CBFB: variants seen among roughly 807,000 people sequenced by gnomAD.
The protein encoded by CBFB is CBF-beta.
In CBFB, 9 loss-of-function variants were observed where a neutral mutation model predicts 30.4. That is an observed-to-expected ratio of 0.30 (90% CI 0.18 to 0.52). The LOEUF (loss-of-function observed/expected upper bound fraction) is 0.52, where lower values mean the gene tolerates loss of function less well. Ranked by LOEUF, CBFB falls within the 20% of genes least tolerant of loss-of-function variation. CBFB has a pLI of 0.97. For missense variants in CBFB, 170 were observed against 244.0 expected (o/e 0.70, Z 2.02); for synonymous variants, 94 against 84.0 (o/e 1.12, Z -0.65).
At chr16:67,078,336 T>C (rs867910390) in intron 4 of CBFB, among the ~76,000 whole-genome samples, 4 of 152,082 alleles carry the variant, frequency 2.6e-5, no homozygotes, top group Admixed American at 6.5e-5. Flanking sequence ...TCACTTGATA[T>C]TGGGAGTTCA....
At chr16:67,064,452 G>A (rs868692341) in intron 3 of CBFB, among the ~76,000 whole-genome samples, 4 of 152,104 alleles carry the variant, frequency 2.6e-5, no homozygotes, top group African/African-American at 4.8e-5. Context: ...TGATCCACCC[G>A]CCTCAGCCTC....
chr16:67,059,808 G>T (rs1369297119), intron 3 of CBFB, among the ~76,000 whole-genome samples: 3 of 151,950 alleles, frequency 2.0e-5, no homozygotes, highest in Non-Finnish European at 4.4e-5. Flanking sequence ...AAATACCATG[G>T]TATTGTTGAT....
chr16:67,091,654 C>T (rs551914619), intron 5 of CBFB, among the ~76,000 whole-genome samples: 1 of 152,174 alleles, frequency 6.6e-6, no homozygotes, highest in Non-Finnish European at 1.5e-5. Flanking sequence ...TTTGACATGC[C>T]TGTTGGAACA....
At chr16:67,073,320 G>GCTGTCTCTATTTATGATT (rs1190594931) in intron 4 of CBFB, among the ~76,000 whole-genome samples, 1 of 152,172 alleles carries the variant, frequency 6.6e-6, no homozygotes, top group Non-Finnish European at 1.5e-5. Flanking sequence ...ACCTGTCAAA[G>GCTGTCTCTATTTATGATT]CTGTCTCTAT....
At chr16:67,046,561 C>G (rs986837290) in intron 3 of CBFB, among the ~76,000 whole-genome samples, 1 of 152,168 alleles carries the variant, frequency 6.6e-6, no homozygotes, top group Admixed American at 6.5e-5. Flanking sequence ...ACATGTAGTA[C>G]AGTTCACCTA....
intron 3 of CBFB, among the ~76,000 whole-genome samples, chr16:67,062,818 A>C (rs1960948467): frequency 6.6e-6 from 1 of 152,076 alleles, no homozygotes; most frequent in Non-Finnish European, 1.5e-5. Context: ...TTTTTTAAAA[A>C]GAATAAGCCA....
At chr16:67,084,456 A>G (rs1482161736) in intron 5 of CBFB, among the ~76,000 whole-genome samples, 1 of 152,174 alleles carries the variant, frequency 6.6e-6, no homozygotes, top group African/African-American at 2.4e-5. Flanking sequence ...TGTCCTATAT[A>G]CTTTTGGAAT....
At chr16:67,045,146 T>C (rs954529155) in intron 3 of CBFB, among the ~76,000 whole-genome samples, 7 of 152,158 alleles carry the variant, frequency 4.6e-5, no homozygotes, top group Non-Finnish European at 7.4e-5. Context: ...GCGTTTGTAT[T>C]TTTAAAGAAA....
chr16:67,055,241 G>T (rs566299095), intron 3 of CBFB, among the ~76,000 whole-genome samples: 2 of 151,166 alleles, frequency 1.3e-5, no homozygotes, highest in East Asian at 3.9e-4. Flanking sequence ...CTTTTTGGAG[G>T]GTCTAATTTA....
intron 5 of CBFB, among the ~76,000 whole-genome samples, chr16:67,096,320 A>AT (rs1191993916): frequency 1.1e-4 from 17 of 151,978 alleles, no homozygotes; most frequent in Non-Finnish European, 1.8e-4. Flanking sequence ...CAAAAAAAAA[A>AT]AATAATAATA....
chr16:67,029,427 A>G lies in CBFB; in HGVS notation c.20A>G (p.Asp7Gly). MPRVVP[D>G]QRSKFENEEF... ...GGGAAGATGCCGCGCGTCGTGCCCG[A>G]CCAGAGAAGCAAGTTCGAGAACGAG... is the stretch of plus-strand genomic sequence containing the variant. Residue 7 changes from aspartate (D) to glycine (G), a missense_variant, in exon 1 of 6, where the codon GAC becomes GGC. Coordinates refer to ENST00000412916, the MANE Select transcript of CBFB (RefSeq NM_022845.3). 6.3e-7 allele frequency: 1 copy of G among 1,582,436 alleles called. No individual in the cohort carries two copies. The highest frequency in any genetic ancestry group is 8.6e-7 in the Non-Finnish European group (1 of 1,166,496).
At chr16:67,092,492 G>C (rs1961914572) in intron 5 of CBFB, among the ~76,000 whole-genome samples, 1 of 152,040 alleles carries the variant, frequency 6.6e-6, no homozygotes, top group South Asian at 2.1e-4. Context: ...TATGTTACTT[G>C]GGGGAAATTA....
At chr16:67,047,094 A>C (rs1295498589) in intron 3 of CBFB, among the ~76,000 whole-genome samples, 1 of 151,852 alleles carries the variant, frequency 6.6e-6, no homozygotes, top group Non-Finnish European at 1.5e-5. Flanking sequence ...GGCAGATCAC[A>C]AGGTCAGGAG....
intron 3 of CBFB, among the ~76,000 whole-genome samples, chr16:67,061,536 G>A (rs1192066663): frequency 6.6e-6 from 1 of 152,080 alleles, no homozygotes; most frequent in South Asian, 2.1e-4. Flanking sequence ...ATTATAAAAT[G>A]CCAAACTGTT....
chr16:67,084,215 A>G (rs1244607754), intron 5 of CBFB, among the ~76,000 whole-genome samples: 1 of 151,434 alleles, frequency 6.6e-6, no homozygotes, highest in Non-Finnish European at 1.5e-5. Flanking sequence ...AATAATCAAG[A>G]TAAGAACTAA....
chr16:67,082,685 A>G (rs1961600067), intron 5 of CBFB, among the ~76,000 whole-genome samples: 1 of 152,142 alleles, frequency 6.6e-6, no homozygotes, highest in African/African-American at 2.4e-5. Flanking sequence ...GAGTAATACT[A>G]CTTTCCATTT....
At chr16:67,056,560 T>C (rs1960729452) in intron 3 of CBFB, among the ~76,000 whole-genome samples, 1 of 152,152 alleles carries the variant, frequency 6.6e-6, no homozygotes, top group South Asian at 2.1e-4. Context: ...TACCCAGTAT[T>C]TACTATGTTT....
chr16:67,059,505 T>C (rs1960828813), intron 3 of CBFB, among the ~76,000 whole-genome samples: 1 of 152,176 alleles, frequency 6.6e-6, no homozygotes, highest in Admixed American at 6.5e-5. Flanking sequence ...CTCAAACACA[T>C]ACATTTTTGC....
chr16:67,080,497 A>G (rs1235500824), intron 4 of CBFB, among the ~76,000 whole-genome samples: 1 of 152,202 alleles, frequency 6.6e-6, no homozygotes, highest in East Asian at 1.9e-4. Flanking sequence ...AAATGGTGCC[A>G]CCAACAGAGA....
Sources: gnomAD v4.1 joint callset for allele counts (sites outside exome capture counted in the v4.1 genomes callset) on GRCh38, gnomAD v4.1.1 for gene constraint, MANE v1.5 for transcripts, NCBI Gene and HGNC (gene_info 2026-07-23, HGNC 2026-07-21) for gene names.